Variants in LTBP1 observed in about 807,000 individuals in gnomAD.
The protein encoded by LTBP1 is latent-transforming growth factor beta-binding protein 1.
Under a neutral mutation model 207.6 loss-of-function variants are expected in LTBP1, and 129 were observed. That is an observed-to-expected ratio of 0.62 (90% CI 0.54 to 0.72). The LOEUF (loss-of-function observed/expected upper bound fraction) is 0.72, where lower values mean the gene tolerates loss of function less well. Among genes scored for constraint, LTBP1 ranks in the 30% least tolerant of loss-of-function variants. The pLI, the probability that LTBP1 is intolerant of heterozygous loss-of-function variation, is 0.00. For missense variants in LTBP1, 2,281 were observed against 2,217.2 expected, an observed-to-expected ratio of 1.03 and a Z score of -0.58; for synonymous variants, 963 against 833.7, an observed-to-expected ratio of 1.16 and a Z score of -2.67.
rs377555187 is a variant in LTBP1 at position 33,252,853 on chromosome 2, T to G, written c.2167+9T>G. 5 of 1,588,726 alleles carry G rather than the reference T, an allele frequency of 3.1e-6. No homozygotes were observed. In the South Asian group the frequency reaches 3.4e-5, roughly 11 times the overall value. The stretch of plus-strand genomic sequence containing the variant: ...TCCCCTTCCAGGCACAGGTAAGACA[T>G]GCCCAGCTGTATGCGCACATAGATT... On this transcript the variant is annotated intron_variant, in intron 11 of 33. Transcript: ENST00000404816.
intron 4 of LTBP1, among the ~76,000 whole-genome samples, chr2:33,124,510 C>G (rs2081328551): frequency 6.6e-6 from 1 of 152,200 alleles, no homozygotes. Context: ...CAAAGTCAAA[C>G]AATCAGGTTG....
chr2:33,331,372 G>T (rs1313494402), intron 24 of LTBP1, among the ~76,000 whole-genome samples: 12 of 151,674 alleles, frequency 7.9e-5, no homozygotes, highest in Admixed American at 7.9e-4. Flanking sequence ...TTCTTTCTAA[G>T]AATGGCTTTA....
chr2:33,232,368 C>A (rs2091839876), intron 9 of LTBP1, among the ~76,000 whole-genome samples: 2 of 152,144 alleles, frequency 1.3e-5, no homozygotes, highest in South Asian at 4.1e-4. Context: ...AGGAGAGCAT[C>A]TTTGTCGATG....
At chr2:33,036,227 G>A (rs1373898786) in intron 3 of LTBP1, among the ~76,000 whole-genome samples, 2 of 152,076 alleles carry the variant, frequency 1.3e-5, no homozygotes, top group African/African-American at 4.8e-5. Flanking sequence ...CCGATTTGGT[G>A]GGTCTGGGGA....
chr2:33,294,324 G>T (rs1344944569), intron 20 of LTBP1, among the ~76,000 whole-genome samples: 1 of 151,856 alleles, frequency 6.6e-6, no homozygotes, highest in East Asian at 1.9e-4. Context: ...AGCCTCCTGA[G>T]TAGCTGGGAT....
intron 3 of LTBP1, among the ~76,000 whole-genome samples, chr2:33,039,609 G>T (rs1239051613): frequency 6.6e-6 from 1 of 152,116 alleles, no homozygotes; most frequent in Non-Finnish European, 1.5e-5. Context: ...TATATTTTTG[G>T]CTGACCAGTT....
intron 7 of LTBP1, among the ~76,000 whole-genome samples, chr2:33,208,409 G>T: frequency 6.6e-6 from 1 of 152,140 alleles, no homozygotes; most frequent in East Asian, 1.9e-4. Flanking sequence ...AGCCATTTAA[G>T]AGCTGTAACT....
At chr2:33,360,468 G>C in intron 26 of LTBP1, 129 bp from the exon 27 acceptor site, 1 of 566,448 alleles carries the variant, frequency 1.8e-6, no homozygotes, top group Non-Finnish European at 3.1e-6. Flanking sequence ...GACACTGAAA[G>C]TGGAAAGCAT....
At chr2:33,056,475 T>C in intron 3 of LTBP1, 1 of 826,740 alleles carries the variant, frequency 1.2e-6, no homozygotes, top group Non-Finnish European at 1.9e-6. Context: ...CAGCTGGAGG[T>C]GATGAGGGAT....
chr2:33,233,857 A>G (rs1302061418), intron 9 of LTBP1, among the ~76,000 whole-genome samples: 1 of 151,136 alleles, frequency 6.6e-6, no homozygotes, highest in Admixed American at 6.6e-5. Flanking sequence ...TTTTATTTTT[A>G]TTTTTTATTT....
intron 7 of LTBP1, among the ~76,000 whole-genome samples, chr2:33,199,783 G>C (rs2088999658): frequency 5.3e-5 from 8 of 151,882 alleles, no homozygotes. Context: ...AAAGTCTCAG[G>C]ATACAAAATC....
chr2:33,290,254 C>T (rs772381028), intron 19 of LTBP1, among the ~76,000 whole-genome samples: 17 of 152,210 alleles, frequency 1.1e-4, no homozygotes, highest in Non-Finnish European at 1.9e-4. Context: ...CACGACTTCC[C>T]TATGCTGCCA....
chr2:33,127,663 G>T (rs1047169033), intron 4 of LTBP1, among the ~76,000 whole-genome samples: 1 of 152,214 alleles, frequency 6.6e-6, no homozygotes, highest in South Asian at 2.1e-4. Flanking sequence ...CCTGACTGAG[G>T]CCAAAGGAAG....
intron 26 of LTBP1, among the ~76,000 whole-genome samples, chr2:33,349,015 A>G (rs2094742728): frequency 6.6e-6 from 1 of 152,216 alleles, no homozygotes; most frequent in African/African-American, 2.4e-5. Flanking sequence ...TGAGAGACTG[A>G]GTTTAGCCAT....
intron 11 of LTBP1, among the ~76,000 whole-genome samples, chr2:33,253,608 C>G (rs2092743554): frequency 6.6e-6 from 1 of 152,160 alleles, no homozygotes; most frequent in African/African-American, 2.4e-5. Flanking sequence ...ATAGTCTACT[C>G]AATTGCATGT....
chr2:33,242,685 TAAAAA>T (rs200164588), intron 9 of LTBP1, among the ~76,000 whole-genome samples: 1 of 138,234 alleles, frequency 7.2e-6, no homozygotes, highest in African/African-American at 2.7e-5. Context: ...CAGTTGTTCT[TAAAAA>T]AAAAAAAAAA....
chr2:33,173,232 G>T (rs2085649012), intron 5 of LTBP1, among the ~76,000 whole-genome samples: 1 of 151,836 alleles, frequency 6.6e-6, no homozygotes, highest in South Asian at 2.1e-4. Flanking sequence ...TTTTTGAAAG[G>T]ATCAACAAAA....
At chr2:32,966,309 G>A (rs1276551959) in intron 2 of LTBP1, among the ~76,000 whole-genome samples, 2 of 152,044 alleles carry the variant, frequency 1.3e-5, no homozygotes, top group East Asian at 3.9e-4. Context: ...TCTTTTTCAG[G>A]ACAGAAGTTT....
At chr2:33,359,264 C>A (rs904134080) in intron 26 of LTBP1, among the ~76,000 whole-genome samples, 2 of 152,114 alleles carry the variant, frequency 1.3e-5, no homozygotes, top group Non-Finnish European at 2.9e-5. Context: ...TTGTTTGCTG[C>A]TTTGCTTGCT....
Sources: gnomAD v4.1 joint callset for allele counts (sites outside exome capture counted in the v4.1 genomes callset) on GRCh38, gnomAD v4.1.1 for gene constraint, MANE v1.5 for transcripts, NCBI Gene and HGNC (gene_info 2026-07-23, HGNC 2026-07-21) for gene names.